Variants in SRGN observed in about 807,000 individuals in gnomAD.
SRGN encodes hematopoetic proteoglycan core peptide.
SRGN carries 2 observed loss-of-function variants against 9.5 expected under a neutral mutation model. The ratio of observed to expected loss-of-function variants is 0.21; its 90% confidence interval spans 0.09 to 0.66. SRGN has a LOEUF of 0.66. SRGN is among the 30% of genes least tolerant of loss of function. The pLI, the probability that SRGN is intolerant of heterozygous loss-of-function variation, is 0.83. For synonymous variants in SRGN, 59 were observed against 72.3 expected, an observed-to-expected ratio of 0.82 and a Z score of 0.93; for missense variants, 170 against 192.4, an observed-to-expected ratio of 0.88 and a Z score of 0.69.
chr10:69,088,598 C>T lies in SRGN; in HGVS notation c.79+362C>T, dbSNP rs79884122. Among the ~76,000 whole-genome samples the T allele has an allele frequency of 4.6e-3, 705 of 152,222 alleles. 2 individuals are homozygous for T. Among genetic ancestry groups the T allele is most frequent in the Non-Finnish European group, 6.0e-3 (410 of 68,012 alleles). On this transcript the variant is annotated intron_variant, in intron 1 of 2. Coordinates refer to ENST00000242465, the MANE Select transcript of SRGN (RefSeq NM_002727.4). Reference sequence around the variant, plus strand: ...GACTGTTGGGGGGTGTCTGCCTACCCCTAAGTGTCTACATCAGCCCCAAGT... The same window carrying T: ...GACTGTTGGGGGGTGTCTGCCTACCTCTAAGTGTCTACATCAGCCCCAAGT...
intron 2 of SRGN, among the ~76,000 whole-genome samples, chr10:69,097,680 A>G (rs12413465): frequency 1.9e-4 from 28 of 151,158 alleles, no homozygotes; most frequent in East Asian, 5.8e-4. Flanking sequence ...GCCCGCCTTG[A>G]CCTCCCAAAA....
chr10:69,104,147 GGCAATGTAGTTA>G lies in SRGN; in HGVS notation c.*31_*42del, dbSNP rs1163955552. ...AGAGGATTTTCCCACCTTGACACCA[GGCAATGTAGTTA>G]GCATATTTTATGTACCATGGTTATA... On this transcript the variant is annotated 3_prime_UTR_variant, in exon 3 of 3. Transcript: ENST00000242465. The G allele has an allele frequency of 6.2e-7, 1 of 1,606,194 alleles. No homozygotes were observed. Among genetic ancestry groups the G allele is most frequent in the South Asian group, 1.1e-5 (1 of 90,724 alleles).
At chr10:69,101,665 C>A (rs1422731429) in intron 2 of SRGN, among the ~76,000 whole-genome samples, 1 of 152,142 alleles carries the variant, frequency 6.6e-6, no homozygotes, top group Non-Finnish European at 1.5e-5. Flanking sequence ...CTTTCCTCAC[C>A]CCCTCTGTGG....
chr10:69,097,168 C>G lies in SRGN; in HGVS notation c.164C>G (p.Pro55Arg), dbSNP rs577391406. ...NSANCLEEKG[P>R]MFELLPGESN... ...GCAAACTGCCTTGAAGAAAAAGGACCAATGTTCGAACTACTTCCAGGTGAA... is the reference window on the plus strand; with the variant it reads ...GCAAACTGCCTTGAAGAAAAAGGACGAATGTTCGAACTACTTCCAGGTGAA... The change falls in exon 2 of 3, where the codon CCA becomes CGA. Residue 55 changes from proline to arginine, a missense_variant. Physicochemically the swap from Pro to Arg is moderately radical, Grantham distance 103. Transcript: ENST00000242465. The G allele has an allele frequency of 1.9e-6, 3 of 1,614,032 alleles. No homozygotes were observed. Among genetic ancestry groups the G allele is most frequent in the South Asian group, 2.2e-5 (2 of 91,086 alleles).
At chr10:69,101,911 T>C (rs1840299697) in intron 2 of SRGN, among the ~76,000 whole-genome samples, 1 of 152,008 alleles carries the variant, frequency 6.6e-6, no homozygotes, top group South Asian at 2.1e-4. Context: ...TAGCCGGGCG[T>C]TGTGACTCAT....
At chr10:69,100,991 T>TCTTTCTTTC (rs1564662569) in intron 2 of SRGN, among the ~76,000 whole-genome samples, 1 of 150,434 alleles carries the variant, frequency 6.6e-6, no homozygotes, top group African/African-American at 2.4e-5. Context: ...CTTTCTTTTT[T>TCTTTCTTTC]TTTTTTTTTT....
intron 1 of SRGN, among the ~76,000 whole-genome samples, chr10:69,091,738 G>A (rs1589325890): frequency 6.6e-6 from 1 of 151,562 alleles, no homozygotes; most frequent in East Asian, 1.9e-4. Context: ...AAATTAGCCA[G>A]GCATAGTGGC....
rs1488240672 is a variant in SRGN at position 69,100,963 on chromosome 10, G to GTT, written c.228-2907_228-2906insTT. Among the ~76,000 whole-genome samples, 8 of 61,166 alleles carry GTT rather than the reference G, an allele frequency of 1.3e-4. No homozygotes were observed. The East Asian group carries it at 2.2e-3, about 17-fold the overall frequency. 40.1% of individuals were successfully genotyped at this position (61,166 alleles called of 152,430 possible). ...CTATCGCTGTAGCCCAAGGAGGGAAGTATTTTTTTCTTTCTTTCTTTCTTT... is the reference window on the plus strand; with the variant it reads ...CTATCGCTGTAGCCCAAGGAGGGAAGTTTATTTTTTTCTTTCTTTCTTTCTTT... On this transcript the variant is annotated intron_variant, in intron 2 of 2. Transcript: ENST00000242465.
In SRGN at chr10:69,094,817, G is replaced by C. The variant is rs537514596; in HGVS notation, c.80-2267G>C. ...GGAGTCTCTCTATGTTGCCCAGCCT[G>C]TATTGAACTCCTGGGCTCAAGTGAT... On this transcript the variant is annotated intron_variant, in intron 1 of 2. Coordinates refer to ENST00000242465, the MANE Select transcript of SRGN (RefSeq NM_002727.4). 2.0e-5 allele frequency among the ~76,000 whole-genome samples: 3 copies of C among 151,780 alleles called. No homozygotes were observed. The South Asian group carries it at 6.2e-4, about 32-fold the overall frequency.
At chr10:69,096,132 A>G (rs1033945636) in intron 1 of SRGN, among the ~76,000 whole-genome samples, 4 of 152,144 alleles carry the variant, frequency 2.6e-5, no homozygotes, top group African/African-American at 9.7e-5. Context: ...AGGATACTGT[A>G]TGGCCCTAAA....
rs565043081 is a variant in SRGN, at chr10:69,097,205, C to A, written c.201C>A (p.Ile67=). ...TACTTCCAGGTGAATCCAACAAGAT[C>A]CCCCGTCTGAGGACTGACCTTTTTC... ...FELLPGESNK[I]PRLRTDLFPK... Residue 67 remains isoleucine (I), a synonymous_variant, in exon 2 of 3, where the codon ATC becomes ATA. Transcript: ENST00000242465. 5 of 1,613,878 alleles carry A rather than the reference C, an allele frequency of 3.1e-6. No individual in the cohort carries two copies. Among genetic ancestry groups the A allele is most frequent in the Non-Finnish European group, 4.2e-6 (5 of 1,179,848 alleles).
chr10:69,092,794 CAAAA>C (rs11456015), intron 1 of SRGN, among the ~76,000 whole-genome samples: 1 of 118,078 alleles, frequency 8.5e-6, no homozygotes. Context: ...ACTCTGTCTC[CAAAA>C]AAAAAAAAAA....
intron 1 of SRGN, among the ~76,000 whole-genome samples, chr10:69,089,341 C>T (rs7900598): frequency 0.015 from 2,336 of 152,226 alleles, 80 homozygotes; most frequent in African/African-American, 0.054. Flanking sequence ...AGGGAACAGG[C>T]TTCACTGGGA....
chr10:69,088,546 C>G (rs1839986866), intron 1 of SRGN, among the ~76,000 whole-genome samples: 1 of 152,102 alleles, frequency 6.6e-6, no homozygotes, highest in Non-Finnish European at 1.5e-5. Context: ...ACTCCTGTGC[C>G]TGTTGCATGG....
intron 1 of SRGN, among the ~76,000 whole-genome samples, chr10:69,093,298 A>G (rs1204924998): frequency 6.6e-6 from 1 of 152,250 alleles, no homozygotes; most frequent in Non-Finnish European, 1.5e-5. Context: ...TAACTTTTAC[A>G]TTGATGATAT....
chr10:69,096,642 T>C (rs923154238), intron 1 of SRGN, among the ~76,000 whole-genome samples: 2 of 152,186 alleles, frequency 1.3e-5, no homozygotes, highest in African/African-American at 4.8e-5. Context: ...TCTGTCTACA[T>C]TTTGCCTTTT....
chr10:69,095,456 T>A (rs1461907475), intron 1 of SRGN, among the ~76,000 whole-genome samples: 1 of 152,166 alleles, frequency 6.6e-6, no homozygotes, highest in African/African-American at 2.4e-5. Flanking sequence ...GACATGCTCC[T>A]TCTTGCTAGG....
chr10:69,095,531 G>A (rs1840157395), intron 1 of SRGN, among the ~76,000 whole-genome samples: 1 of 152,044 alleles, frequency 6.6e-6, no homozygotes, highest in African/African-American at 2.4e-5. Flanking sequence ...TGAACTTTTT[G>A]AAGGGCGGTG....
At chr10:69,096,017 T>C (rs910421372) in intron 1 of SRGN, among the ~76,000 whole-genome samples, 1 of 152,240 alleles carries the variant, frequency 6.6e-6, no homozygotes, top group Non-Finnish European at 1.5e-5. Flanking sequence ...AAGCTGAGAC[T>C]CAGATATTCC....
Sources: allele counts gnomAD v4.1 joint callset (sites outside exome capture counted in the v4.1 genomes callset), GRCh38; gene constraint gnomAD v4.1.1; transcripts MANE v1.5; gene names NCBI Gene and HGNC (gene_info 2026-07-23, HGNC 2026-07-21).